The following KDM4C variants were observed in gnomAD, a reference collection of about 807,000 sequenced individuals.
KDM4C encodes the protein lysine demethylase 4C, also known as lysine-specific demethylase 4C.
Under a neutral mutation model 129.3 loss-of-function variants are expected in KDM4C, and 81 were observed. The ratio of observed to expected loss-of-function variants is 0.63; its 90% CI spans 0.52 to 0.75. The LOEUF is 0.75. Ranked by LOEUF, KDM4C falls within the 30% of genes least tolerant of loss-of-function variation. The pLI is 0.00. For synonymous variants in KDM4C, 573 were observed against 456.1 expected (o/e 1.26, Z -3.26); for missense variants, 1,457 against 1,304.0 (o/e 1.12, Z -1.81).
chr9:7,129,811 C>T (rs1277305383), intron 19 of KDM4C, among the ~76,000 whole-genome samples: 1 of 152,068 alleles, frequency 6.6e-6, no homozygotes, highest in Non-Finnish European at 1.5e-5. Context: ...AGAACTGGAA[C>T]CATGAACTCA....
intron 8 of KDM4C, among the ~76,000 whole-genome samples, chr9:6,923,100 G>A (rs1821832373): frequency 6.6e-6 from 1 of 152,116 alleles, no homozygotes; most frequent in Non-Finnish European, 1.5e-5. Context: ...GGTAAAGCCT[G>A]TTTGATTTAA....
At chr9:6,830,867 A>G (rs189895108) in intron 4 of KDM4C, among the ~76,000 whole-genome samples, 273 of 152,370 alleles carry the variant, frequency 1.8e-3, no homozygotes, top group African/African-American at 6.2e-3. Context: ...GCAGCTGTAG[A>G]GAAAATGAAG....
chr9:7,145,307 T>C (rs1842117822), intron 19 of KDM4C, among the ~76,000 whole-genome samples: 1 of 152,126 alleles, frequency 6.6e-6, no homozygotes, highest in Non-Finnish European at 1.5e-5. Context: ...GACTTGAAAA[T>C]TTAGAAACCG....
chr9:6,754,076 G>A (rs372819461), upstream of KDM4C, among the ~76,000 whole-genome samples: 10 of 151,032 alleles, frequency 6.6e-5, no homozygotes, highest in South Asian at 4.2e-4. Context: ...GGGTTTCACC[G>A]TGCTAGCCAG....
At chr9:6,925,208 A>G in intron 8 of KDM4C, 1 of 985,438 alleles carries the variant, frequency 1.0e-6, no homozygotes, top group Non-Finnish European at 1.2e-6. Context: ...TTGGCGATAC[A>G]GCTCATGTGA....
At chr9:7,166,818 C>A (rs564774902) in intron 20 of KDM4C, among the ~76,000 whole-genome samples, 7 of 152,216 alleles carry the variant, frequency 4.6e-5, no homozygotes, top group Admixed American at 3.3e-4. Context: ...TTATGATGGT[C>A]TATCAACATA....
intron 3 of KDM4C, among the ~76,000 whole-genome samples, chr9:6,812,893 A>AAAACAC (rs1831416698): frequency 6.6e-6 from 1 of 152,178 alleles, no homozygotes; most frequent in Non-Finnish European, 1.5e-5. Flanking sequence ...AACATTTTTA[A>AAAACAC]GGCTGGGTGC....
intron 1 of KDM4C, among the ~76,000 whole-genome samples, chr9:6,737,078 T>C (rs1260497529): frequency 2.0e-5 from 3 of 150,080 alleles, no homozygotes; most frequent in Non-Finnish European, 4.4e-5. Flanking sequence ...AAAAAAAGTT[T>C]TTCAGTCCCA....
intron 8 of KDM4C, among the ~76,000 whole-genome samples, chr9:6,939,291 G>T (rs1825405445): frequency 6.6e-6 from 1 of 152,060 alleles, no homozygotes; most frequent in Non-Finnish European, 1.5e-5. Flanking sequence ...GATCTAGGTT[G>T]CATGCTCCTC....
Position 6,912,935 on chromosome 9 carries a change from T to C in KDM4C, c.921+19703T>C, listed in dbSNP as rs571933260. ...AAGAATTGTGATATTCTTGGAGTTT[T>C]TCGTATGGTACCTTTTCTATATTGT... On this transcript the variant is annotated intron_variant, in intron 8 of 21. Coordinates refer to ENST00000381309, the MANE Select transcript of KDM4C (RefSeq NM_015061.6). Among the ~76,000 whole-genome samples, 4 of 152,366 alleles carry C rather than the reference T, an allele frequency of 2.6e-5. No homozygotes were observed. In the South Asian group the frequency reaches 6.2e-4, roughly 24 times the overall value.
At chr9:6,875,196 A>G (rs375215049) in intron 5 of KDM4C, among the ~76,000 whole-genome samples, 2 of 152,194 alleles carry the variant, frequency 1.3e-5, no homozygotes, top group African/African-American at 2.4e-5. Context: ...TGAGAGTGAT[A>G]TAAGTCAGCA....
At chr9:6,994,709 T>G (rs188057468) in intron 12 of KDM4C, among the ~76,000 whole-genome samples, 6 of 152,344 alleles carry the variant, frequency 3.9e-5, no homozygotes, top group South Asian at 2.1e-4. Context: ...ACTGTCATAT[T>G]AAAAGAAAAA....
intron 11 of KDM4C, among the ~76,000 whole-genome samples, chr9:6,987,961 G>A (rs979621576): frequency 4.6e-5 from 7 of 151,296 alleles, no homozygotes; most frequent in Admixed American, 2.6e-4. Flanking sequence ...GGTTCGAGAT[G>A]AGCCTGGACA....
intron 1 of KDM4C, among the ~76,000 whole-genome samples, chr9:6,781,419 T>C (rs1824315869): frequency 6.6e-6 from 1 of 152,174 alleles, no homozygotes; most frequent in Admixed American, 6.5e-5. Flanking sequence ...TAAAATATAA[T>C]TGTTGATTTA....
intron 12 of KDM4C, among the ~76,000 whole-genome samples, chr9:6,998,933 GTT>G (rs990479061): frequency 6.6e-6 from 1 of 151,178 alleles, no homozygotes; most frequent in East Asian, 1.9e-4. Context: ...ATTCTAGGTT[GTT>G]TTTTTTTCTG....
At chr9:7,166,706 C>G (rs1844424548) in intron 20 of KDM4C, among the ~76,000 whole-genome samples, 1 of 152,104 alleles carries the variant, frequency 6.6e-6, no homozygotes, top group African/African-American at 2.4e-5. Context: ...AGCAAAGCTT[C>G]TTACATGTAG....
At chr9:6,769,926 A>G (rs1358830917) in intron 1 of KDM4C, among the ~76,000 whole-genome samples, 1 of 152,218 alleles carries the variant, frequency 6.6e-6, no homozygotes, top group Non-Finnish European at 1.5e-5. Flanking sequence ...CATGCCTATA[A>G]TCACAGCACT....
chr9:6,820,039 C>G (rs1436892982), intron 4 of KDM4C, among the ~76,000 whole-genome samples: 2 of 151,916 alleles, frequency 1.3e-5, no homozygotes, highest in East Asian at 3.9e-4. Flanking sequence ...GGTGGGAGTT[C>G]TTGGAGAGGG....
At chr9:6,722,232 C>T (rs1816978950) in intron 1 of KDM4C, among the ~76,000 whole-genome samples, 1 of 152,072 alleles carries the variant, frequency 6.6e-6, no homozygotes, top group South Asian at 2.1e-4. Flanking sequence ...TCCCTGGGAT[C>T]TTGTAGTGCA....
Sources: allele counts gnomAD v4.1 joint callset (sites outside exome capture counted in the v4.1 genomes callset), GRCh38; gene constraint gnomAD v4.1.1; transcripts MANE v1.5; gene names NCBI Gene and HGNC (gene_info 2026-07-23, HGNC 2026-07-21).